FRMPD3: variants seen among roughly 807,000 people sequenced by gnomAD.
FRMPD3 encodes FERM and PDZ domain-containing protein 3.
A neutral mutation model predicts 97.9 loss-of-function variants in FRMPD3; 42 were observed. The ratio of observed to expected loss-of-function variants is 0.43; its 90% confidence interval spans 0.34 to 0.55. FRMPD3 has a LOEUF of 0.55. Among genes scored for constraint, FRMPD3 ranks in the 20% least tolerant of loss-of-function variants. FRMPD3 has a pLI of 0.03. For synonymous variants in FRMPD3, 577 were observed against 581.1 expected, an observed-to-expected ratio of 0.99 and a Z score of 0.10; for missense variants, 1,303 against 1,457.7, an observed-to-expected ratio of 0.89 and a Z score of 1.73.
rs1922700898 is a variant in FRMPD3, at chrX:107,526,461, G to T, written c.-7-121G>T. 5 of 510,638 alleles carry T rather than the reference G, an allele frequency of 9.8e-6. No homozygotes were observed. In the South Asian group the frequency reaches 2.5e-4, roughly 26 times the overall value. 42.1% of individuals were successfully genotyped at this position (510,638 alleles called of 1,213,427 possible). The stretch of plus-strand genomic sequence containing the variant: ...TCTCTGTTGGCTCCAGAGGATGTAG[G>T]AAGCTAAGCTGTAAACTCCTGGGTG... On this transcript the variant is annotated intron_variant, in intron 1 of 14. Transcript: ENST00000683843.
chrX:107,600,222 G>T (rs1924425995), intron 14 of FRMPD3, 81 bp from the exon 15 acceptor site: 1 of 1,098,029 alleles, frequency 9.1e-7, no homozygotes, highest in Non-Finnish European at 1.2e-6. Context: ...AATCGCCCAT[G>T]AATACCGAGG....
intron 1 of FRMPD3, among the ~76,000 whole-genome samples, chrX:107,486,666 G>C (rs1389823192): frequency 9.0e-6 from 1 of 111,614 alleles, no homozygotes; most frequent in East Asian, 2.8e-4. Context: ...AGATAAATGG[G>C]TTTATTTGTA....
At chrX:107,557,204 G>A (rs893235684) in intron 8 of FRMPD3, among the ~76,000 whole-genome samples, 1 of 109,348 alleles carries the variant, frequency 9.1e-6, no homozygotes, top group Admixed American at 9.8e-5. Context: ...ATTTTCATTT[G>A]CATTTTCCTA....
intron 10 of FRMPD3, among the ~76,000 whole-genome samples, chrX:107,561,421 T>C: frequency 8.9e-6 from 1 of 112,012 alleles, no homozygotes; most frequent in Non-Finnish European, 1.9e-5. Flanking sequence ...TGTGGAATTC[T>C]GGGAGACAAA....
chrX:107,600,178 T>G, intron 14 of FRMPD3, 125 bp from the exon 15 acceptor site: 1 of 891,967 alleles, frequency 1.1e-6, no homozygotes. Flanking sequence ...CTTGAGCATC[T>G]GCAAGTTTTG....
intron 1 of FRMPD3, among the ~76,000 whole-genome samples, chrX:107,521,189 G>T (rs1193283285): frequency 8.9e-6 from 1 of 112,384 alleles, no homozygotes; most frequent in Non-Finnish European, 1.9e-5. Flanking sequence ...CAAGTCCTTT[G>T]TTTGCATGAA....
Position 107,530,415 on chromosome X carries a change from C to G in FRMPD3, c.155C>G (p.Pro52Arg). 8.4e-7 allele frequency: 1 copy of G among 1,187,242 alleles called. No individual in the cohort carries two copies. The highest frequency in any genetic ancestry group is 1.1e-6 in the Non-Finnish European group (1 of 882,736). ...TCTCTCCTCTCCTTTGCAGGAGGCC[C>G]CTCTGAGAACAAGCTCCTGGCTGGT... ...VVVRSVRPGG[P>R]SENKLLAGDQ... Residue 52 changes from proline to arginine, a missense_variant, in exon 3 of 15, where the codon CCC becomes CGC. Coordinates refer to ENST00000683843, the MANE Select transcript of FRMPD3 (RefSeq NM_001388459.1).
At chrX:107,549,999 C>T (rs754919231) in intron 5 of FRMPD3, 50 bp from the exon 6 acceptor site, 2 of 849,062 alleles carry the variant, frequency 2.4e-6, no homozygotes, top group East Asian at 3.3e-5. Flanking sequence ...TGGCTTCCTA[C>T]TTCCTTCTAA....
chrX:107,551,144 G>A (rs772684320), intron 6 of FRMPD3, among the ~76,000 whole-genome samples: 1 of 112,054 alleles, frequency 8.9e-6, no homozygotes, highest in East Asian at 2.8e-4. Flanking sequence ...GTGTGCTACT[G>A]GCATTTTGTG....
At chrX:107,524,995 CAAAAA>C (rs750900204) in intron 1 of FRMPD3, among the ~76,000 whole-genome samples, 5 of 13,746 alleles carry the variant, frequency 3.6e-4, no homozygotes, top group Admixed American at 9.5e-4. Flanking sequence ...GACTCCATCT[CAAAAA>C]AAAAAAAAAA....
intron 1 of FRMPD3, among the ~76,000 whole-genome samples, chrX:107,450,601 C>CACAG (rs1463795736): frequency 2.5e-4 from 23 of 93,411 alleles, no homozygotes; most frequent in East Asian, 3.8e-4. Flanking sequence ...CACACACACA[C>CACAG]AGAGAGAGAG....
chrX:107,494,592 G>T (rs1168842496), intron 1 of FRMPD3, among the ~76,000 whole-genome samples: 1 of 111,901 alleles, frequency 8.9e-6, no homozygotes, highest in East Asian at 2.8e-4. Flanking sequence ...ACTCATGCTT[G>T]GGTGTAGATG....
At chrX:107,571,844 A>G (rs1922903146) in intron 12 of FRMPD3, among the ~76,000 whole-genome samples, 1 of 112,133 alleles carries the variant, frequency 8.9e-6, no homozygotes, top group South Asian at 3.7e-4. Context: ...TACTTTGGTC[A>G]AATGGTCTCA....
Position 107,600,802 on chromosome X carries a change from C to T in FRMPD3, c.2763C>T (p.Leu921=). 1 of 1,208,596 alleles carries T rather than the reference C, an allele frequency of 8.3e-7. No homozygotes were observed. The highest frequency in any genetic ancestry group is 1.1e-6 in the Non-Finnish European group (1 of 894,264). The change falls in exon 15 of 15, where the codon CTC becomes CTT. Residue 921 remains leucine, a synonymous_variant. Coordinates refer to ENST00000683843, the MANE Select transcript of FRMPD3 (RefSeq NM_001388459.1). ...EMSLRAATSS[L]SEEQVSELRD... is the part of the protein sequence containing the mutation. Reference sequence around the variant, plus strand: ...CACTGAGGGCAGCCACATCATCCCTCAGTGAAGAGCAGGTCTCTGAGCTGA... The same window carrying T: ...CACTGAGGGCAGCCACATCATCCCTTAGTGAAGAGCAGGTCTCTGAGCTGA...
chrX:107,565,911 A>T (rs759087336), intron 12 of FRMPD3, among the ~76,000 whole-genome samples: 6 of 111,501 alleles, frequency 5.4e-5, no homozygotes, highest in South Asian at 3.8e-4. Context: ...GCCCTGCCAT[A>T]GGGACACGCA....
intron 1 of FRMPD3, among the ~76,000 whole-genome samples, chrX:107,487,209 G>A (rs922584348): frequency 1.8e-5 from 2 of 111,131 alleles, no homozygotes; most frequent in Non-Finnish European, 3.8e-5. Context: ...AGCTGAGATC[G>A]CACCGCTGCA....
chrX:107,519,931 A>G (rs959518765), intron 1 of FRMPD3, among the ~76,000 whole-genome samples: 2 of 111,862 alleles, frequency 1.8e-5, no homozygotes, highest in African/African-American at 6.5e-5. Context: ...AAGGTGAAGG[A>G]CACTTTCCAA....
At chrX:107,548,104 T>C (rs1462522410) in intron 5 of FRMPD3, among the ~76,000 whole-genome samples, 1 of 112,136 alleles carries the variant, frequency 8.9e-6, no homozygotes, top group Admixed American at 9.4e-5. Context: ...TTGTCCATGA[T>C]CCATGACAGT....
chrX:107,583,032 A>G (rs1336597843), intron 13 of FRMPD3, among the ~76,000 whole-genome samples: 1 of 111,455 alleles, frequency 9.0e-6, no homozygotes, highest in African/African-American at 3.3e-5. Context: ...ATCTCCTTTA[A>G]TTTCTTTCAT....
Sources: gnomAD v4.1 joint callset for allele counts (sites outside exome capture counted in the v4.1 genomes callset) on GRCh38, gnomAD v4.1.1 for gene constraint, MANE v1.5 for transcripts, NCBI Gene and HGNC (gene_info 2026-07-23, HGNC 2026-07-21) for gene names.